The following WFDC6 variants were observed in gnomAD, a reference collection of about 807,000 sequenced individuals.
WFDC6 encodes WAP four-disulfide core domain 6.
WFDC6 carries 10 observed loss-of-function variants against 8.2 expected under a neutral mutation model. The observed-to-expected ratio is 1.22, with a 90% CI of 0.75 to 2.07. WFDC6 has a LOEUF of 2.07. WFDC6 is among the 30% of genes most tolerant of loss of function. WFDC6 has a pLI of 0.00. For synonymous variants in WFDC6, 28 were observed against 37.0 expected (o/e 0.76, Z 0.88); for missense variants, 105 against 104.9 (o/e 1.00, Z 0.00).
chr20:45,537,596 T>G, intron 2 of WFDC6: 1 of 1,525,768 alleles, frequency 6.6e-7, no homozygotes. Context: ...CTGTCTCTTA[T>G]AGCTATCATA....
At chr20:45,539,283 TC>T in intron 1 of WFDC6, 33 bp downstream of exon 1, 1 of 1,593,286 alleles carries the variant, frequency 6.3e-7, no homozygotes, top group East Asian at 2.2e-5. Context: ...GAGTTTCCTT[TC>T]CCCATTGCAA....
At chr20:45,536,656 A>G (rs1038658051) in intron 2 of WFDC6, 2 of 152,222 alleles carry the variant, frequency 1.3e-5, no homozygotes, top group African/African-American at 2.4e-5. Flanking sequence ...GCCCAGCTTC[A>G]TCTTCCTCTC....
intron 2 of WFDC6, chr20:45,537,690 A>T: frequency 1.8e-6 from 2 of 1,134,400 alleles, no homozygotes; most frequent in Non-Finnish European, 2.6e-6. Context: ...CCAAGAGACC[A>T]TGTGGTCCAT....
chr20:45,538,591 T>C (rs1979464145), intron 1 of WFDC6, among the ~76,000 whole-genome samples: 1 of 152,224 alleles, frequency 6.6e-6, no homozygotes, highest in South Asian at 2.1e-4. Flanking sequence ...TCAAACTGCC[T>C]GGGGCAATGT....
chr20:45,534,593 G>T, intron 2 of WFDC6, 88 bp from the exon 3 acceptor site: 1 of 1,488,560 alleles, frequency 6.7e-7, no homozygotes. Flanking sequence ...AAAGGAGGTG[G>T]GATCATTTTT....
intron 2 of WFDC6, 128 bp from the exon 3 acceptor site, chr20:45,534,633 G>C (rs749484428): frequency 6.8e-4 from 725 of 1,073,350 alleles, no homozygotes; most frequent in Non-Finnish European, 9.3e-4. Context: ...GAATGAAGGT[G>C]AGTTTGGGGG....
Position 45,534,406 on chromosome 20 carries a change from T to G in WFDC6, c.*61A>C. 1 of 1,607,338 alleles carries G rather than the reference T, an allele frequency of 6.2e-7. No homozygotes were observed. Among genetic ancestry groups the G allele is most frequent in the Non-Finnish European group, 8.5e-7 (1 of 1,173,880 alleles). On this transcript the variant is annotated 3_prime_UTR_variant, in exon 3 of 3. Coordinates refer to ENST00000372670, the MANE Select transcript of WFDC6 (RefSeq NM_080827.2). ...CCAAGGTTTGGCCCGTGGAAGCCAA[T>G]TTGGAGCATCAATCAGGCACACGTG...
intron 2 of WFDC6, among the ~76,000 whole-genome samples, chr20:45,536,562 G>C (rs927787763): frequency 1.3e-5 from 2 of 152,202 alleles, no homozygotes; most frequent in Non-Finnish European, 2.9e-5. Context: ...AGGCCACACA[G>C]ATGGTAAGGG....
chr20:45,538,184 A>G (rs1274475189), intron 1 of WFDC6, 90 bp from the exon 2 acceptor site: 1 of 1,591,852 alleles, frequency 6.3e-7, no homozygotes, highest in African/African-American at 1.4e-5. Flanking sequence ...AGAGTTAGAG[A>G]ACTTTGTTTC....
chr20:45,537,148 G>A, intron 2 of WFDC6: 1 of 216,858 alleles, frequency 4.6e-6, no homozygotes, highest in South Asian at 1.0e-4. Context: ...AAGTTGCCCT[G>A]AATATACACT....
chr20:45,536,264 A>AC (rs528351412), intron 2 of WFDC6, among the ~76,000 whole-genome samples: 2 of 143,270 alleles, frequency 1.4e-5, no homozygotes, highest in Middle Eastern at 7.1e-3. Flanking sequence ...AAAAAAAAAA[A>AC]CCCAAAACTC....
intron 2 of WFDC6, chr20:45,535,218 C>G (rs568341543): frequency 8.4e-6 from 11 of 1,304,160 alleles, no homozygotes; most frequent in Non-Finnish European, 1.1e-5. Flanking sequence ...TTATTGTTCC[C>G]CTGGCTACCG....
In WFDC6 at chr20:45,538,046, T is replaced by C. The variant is rs1043480366; in HGVS notation, c.140A>G (p.Gln47Arg). 6.2e-7 allele frequency: 1 copy of C among 1,614,022 alleles called. No homozygotes were observed. Among genetic ancestry groups the C allele is most frequent in the Non-Finnish European group, 8.5e-7 (1 of 1,179,928 alleles). Residue 47 changes from glutamine (Q) to arginine (R), a missense_variant, in exon 2 of 3, where the codon CAG (glutamine) becomes CGG (arginine). Transcript: ENST00000372670. Reference protein sequence around the residue: ...KVECEVEEIDQCTKPRDCPEN... With the variant: ...KVECEVEEIDRCTKPRDCPEN... ...TGGGCAATCTCTGGGTTTGGTACAC[T>C]GGTCTATTTCTTCCACTTCGCATTC...
intron 2 of WFDC6, chr20:45,535,095 A>G (rs1979313870): frequency 4.0e-6 from 5 of 1,260,082 alleles, no homozygotes; most frequent in Non-Finnish European, 5.2e-6. Context: ...GGAATAGACC[A>G]GCCAACACCC....
At chr20:45,537,321 A>G in intron 2 of WFDC6, 1 of 597,106 alleles carries the variant, frequency 1.7e-6, no homozygotes, top group Admixed American at 2.9e-5. Context: ...CAGATCTTAA[A>G]TCATGGATCT....
chr20:45,537,304 C>T (rs1979403311), intron 2 of WFDC6: 1 of 579,052 alleles, frequency 1.7e-6, no homozygotes, highest in Non-Finnish European at 3.1e-6. Flanking sequence ...TCTAAGTACT[C>T]ATCTTTCAGA....
chr20:45,537,503 T>G, intron 2 of WFDC6: 1 of 1,546,308 alleles, frequency 6.5e-7, no homozygotes, highest in Non-Finnish European at 8.7e-7. Context: ...GTGTAGGCGG[T>G]CTAAGGTGGT....
At chr20:45,535,237 G>A (rs535343423) in intron 2 of WFDC6, 525 of 1,304,276 alleles carry the variant, frequency 4.0e-4, no homozygotes, top group Non-Finnish European at 5.0e-4. Flanking sequence ...CGCCATAGAT[G>A]AATTCGGAGC....
In WFDC6 at chr20:45,539,320, C is replaced by G. The variant is rs774695138; in HGVS notation, c.88G>C (p.Gly30Arg). Residue 30 changes from glycine (G) to arginine (R), a missense_variant, in exon 1 of 3, where the codon GGC becomes CGC. By Grantham distance (125) the Gly-to-Arg change is moderately radical. Transcript: ENST00000372670. ...GGACGGAGTTCCCAATACTTACTGC[C>G]AAGGATGCCTTCAGCGTGCCCAGGT... ...QEPGHAEGIL[G>R]KPCPKIKVEC... is the part of the protein sequence containing the mutation. 1.1e-5 allele frequency: 18 copies of G among 1,613,652 alleles called. No homozygotes were observed. Among genetic ancestry groups the G allele is most frequent in the Non-Finnish European group, 1.5e-5 (18 of 1,179,800 alleles).
Sources: allele counts gnomAD v4.1 joint callset (sites outside exome capture counted in the v4.1 genomes callset), GRCh38; gene constraint gnomAD v4.1.1; transcripts MANE v1.5; gene names NCBI Gene and HGNC (gene_info 2026-07-23, HGNC 2026-07-21).